The following FASN variants were observed in gnomAD, a reference collection of about 807,000 sequenced individuals.
The protein encoded by FASN is fatty acid synthase.
FASN carries 50 observed loss-of-function variants against 250.0 expected under a neutral mutation model. The observed-to-expected ratio is 0.20, with a 90% CI of 0.16 to 0.25. The LOEUF (loss-of-function observed/expected upper bound fraction) is 0.25. FASN is among the 10% of genes least tolerant of loss of function. FASN has a pLI of 1.00. For synonymous variants in FASN, 1,909 were observed against 1,584.0 expected (o/e 1.21, Z -4.87); for missense variants, 3,031 against 3,498.5 (o/e 0.87, Z 3.37).
intron 19 of FASN, 62 bp downstream of exon 19, chr17:82,087,623 T>G: frequency 1.2e-6 from 2 of 1,602,580 alleles, no homozygotes; most frequent in Non-Finnish European, 1.7e-6. Context: ...GTGCCCTCTG[T>G]GGTCCCCACA....
At chr17:82,096,296 C>T (rs369295724) in intron 2 of FASN, 23 bp downstream of exon 2, 169 of 1,610,718 alleles carry the variant, frequency 1.0e-4, no homozygotes, top group South Asian at 3.0e-4. Flanking sequence ...ACCCCAGGCA[C>T]GGGGAGCCCC....
Position 82,082,325 on chromosome 17 carries a change from G to T in FASN, c.6009C>A (p.Asp2003Glu). 1 of 1,612,518 alleles carries T rather than the reference G, an allele frequency of 6.2e-7. No homozygotes were observed. The highest frequency in any genetic ancestry group is 8.5e-7 in the Non-Finnish European group (1 of 1,179,958). ...GAGCAGGGCTGTGCGGTACCCACCTGTCCAGGTTCAGGGTGCCGCTGTACT... is the reference window on the plus strand; with the variant it reads ...GAGCAGGGCTGTGCGGTACCCACCTTTCCAGGTTCAGGGTGCCGCTGTACT... ...KPKYSGTLNL[D>E]RVTREACPEL... Residue 2003 changes from aspartate (D) to glutamate (E), a missense_variant and splice_region_variant, in exon 35 of 43, where the codon GAC (aspartate) becomes GAA (glutamate). Asp to Glu is a conservative substitution (Grantham distance 45). Transcript: ENST00000306749.
intron 3 of FASN, chr17:82,094,060 G>A: frequency 1.9e-6 from 1 of 521,402 alleles, no homozygotes; most frequent in Non-Finnish European, 3.5e-6. Flanking sequence ...AGGGCACCAG[G>A]CACGGCCAGA....
intron 34 of FASN, 55 bp from the exon 35 acceptor site, chr17:82,082,469 C>T (rs2034007395): frequency 5.6e-6 from 9 of 1,611,480 alleles, no homozygotes; most frequent in Non-Finnish European, 2.5e-6. Flanking sequence ...CCCGTCCACC[C>T]AGGGTCCCCC....
In FASN at chr17:82,080,120, CA is replaced by C. The variant is rs773826339; in HGVS notation, c.7146+19del. 2 of 1,608,474 alleles carry C rather than the reference CA, an allele frequency of 1.2e-6. No homozygotes were observed. Among genetic ancestry groups the C allele is most frequent in the South Asian group, 2.2e-5 (2 of 90,994 alleles). On this transcript the variant is annotated intron_variant, in intron 41 of 42. Transcript: ENST00000306749. ...CCCAGTACTCTGGGTCCTGCGGCCT[CA>C]GGGGTGTCCAGGACCCACCCTGTTG...
chr17:82,081,299 G>A lies in FASN; in HGVS notation c.6460C>T (p.Leu2154=). Residue 2154 remains leucine, a synonymous_variant, in exon 38 of 43, where the codon CTG becomes TTG. Coordinates refer to ENST00000306749, the MANE Select transcript of FASN (RefSeq NM_004104.5). ...ACCTCCACGCTCATGAGCGAGTCCA[G>A]GCCCAGGTCCGCCAGTGAGCTGTCC... ...NLDSSLADLG[L]DSLMSVEVRQ... 1 of 1,559,190 alleles carries A rather than the reference G, an allele frequency of 6.4e-7. No homozygotes were observed. Among genetic ancestry groups the A allele is most frequent in the Non-Finnish European group, 8.7e-7 (1 of 1,151,566 alleles).
In FASN at chr17:82,080,487, C is replaced by G. The variant is rs1323551400; in HGVS notation, c.6930G>C (p.Gly2310=). Residue 2310 remains glycine (G), a synonymous_variant, in exon 40 of 43, where the codon GGG becomes GGC. Coordinates refer to ENST00000306749, the MANE Select transcript of FASN (RefSeq NM_004104.5). ...AGCACATTTCAAAGGCCACGCAGGC[C>G]CCGTAGGAGTAGCCGGCCACGCGGT... ...GPYRVAGYSY[G]ACVAFEMCSQ... 3.8e-6 allele frequency: 6 copies of G among 1,570,908 alleles called. No individual in the cohort carries two copies. The African/African-American group carries it at 8.1e-5, about 21-fold the overall frequency.
At position 82,093,353 on chromosome 17, in the gene FASN, G is replaced by T; in HGVS notation, c.521C>A (p.Ala174Asp). ...GGCAGGGCACTGCCCGCTGTGGATG[G>T]CCTGGTAGGCGTTCTGCAGGGCCAT... ...SLMALQNAYQ[A>D]IHSGQCPAAI... The change falls in exon 5 of 43, where the codon GCC becomes GAC. Residue 174 changes from alanine (A) to aspartate (D), a missense_variant. Transcript: ENST00000306749. The T allele has an allele frequency of 6.2e-7, 1 of 1,603,406 alleles. No individual in the cohort carries two copies. The highest frequency in any genetic ancestry group is 1.7e-5 in the Admixed American group (1 of 58,536).
intron 19 of FASN, 83 bp from the exon 20 acceptor site, chr17:82,087,587 C>G (rs1157942032): frequency 3.1e-6 from 5 of 1,600,856 alleles, no homozygotes; most frequent in African/African-American, 1.3e-5. Flanking sequence ...CCTCTGCTCC[C>G]TCCCAAGCTG....
At chr17:82,097,832 C>G (rs2034330533) in intron 1 of FASN, among the ~76,000 whole-genome samples, 1 of 152,068 alleles carries the variant, frequency 6.6e-6, no homozygotes, top group Non-Finnish European at 1.5e-5. Context: ...GGGGGCTCCT[C>G]CAGGCCCTTC....
At chr17:82,095,275 A>C in intron 3 of FASN, 45 bp downstream of exon 3, 1 of 1,604,242 alleles carries the variant, frequency 6.2e-7, no homozygotes, top group Non-Finnish European at 8.5e-7. Context: ...ATTCCACGTG[A>C]GCAGCAGGAG....
At position 82,093,426 on chromosome 17, in the gene FASN, G is replaced by A. The variant is rs2034248630; in HGVS notation, c.455-7C>T. 1.3e-6 allele frequency: 2 copies of A among 1,598,010 alleles called. No homozygotes were observed. Among genetic ancestry groups the A allele is most frequent in the Non-Finnish European group, 1.7e-6 (2 of 1,174,894 alleles). On this transcript the variant is annotated splice_region_variant and splice_polypyrimidine_tract_variant and intron_variant, in intron 4 of 42. Transcript: ENST00000306749. ...TCCAGTGCGATGCTGGGCCCTGCAA[G>A]GAAGGGTGCTGCGGCTCAGGTGGGG... is the stretch of plus-strand genomic sequence containing the variant.
In FASN at chr17:82,087,154, T is replaced by C. The variant is rs779523230; in HGVS notation, c.3323A>G (p.Glu1108Gly). The part of the protein sequence containing the change: ...HTESAPRRQQ[E>G]QQVPILEKFC... ...CTTCTCCAGGATGGGCACCTGCTGC[T>C]CCTGCTGCCGCCGCGGGGCCGACTC... The change falls in exon 21 of 43, where the codon GAG becomes GGG. Residue 1108 changes from glutamate to glycine, a missense_variant. Transcript: ENST00000306749. The C allele has an allele frequency of 4.3e-6, 7 of 1,610,828 alleles. No individual in the cohort carries two copies. In the South Asian group the frequency reaches 6.6e-5, roughly 15 times the overall value.
chr17:82,080,281 G>A (rs879049159), intron 40 of FASN, 43 bp from the exon 41 acceptor site: 5 of 1,610,914 alleles, frequency 3.1e-6, no homozygotes, highest in Non-Finnish European at 4.2e-6. Flanking sequence ...AAGGGGCGGG[G>A]CCTCCTAAGC....
At position 82,081,258 on chromosome 17, in the gene FASN, C is replaced by T; in HGVS notation, c.6501G>A (p.Glu2167=). ...LMSVEVRQTL[E]RELNLVLSVR... is the part of the protein sequence containing the mutation. ...CGGACAGCACCAGGTTGAGCTCACGCTCCAGCGTCTGGCGCACCTCCACGC... is the reference window on the plus strand; with the variant it reads ...CGGACAGCACCAGGTTGAGCTCACGTTCCAGCGTCTGGCGCACCTCCACGC... Residue 2167 remains glutamate, a synonymous_variant, in exon 38 of 43, where the codon GAG becomes GAA. Coordinates refer to ENST00000306749, the MANE Select transcript of FASN (RefSeq NM_004104.5). 3 of 1,574,610 alleles carry T rather than the reference C, an allele frequency of 1.9e-6. No homozygotes were observed. The highest frequency in any genetic ancestry group is 1.2e-5 in the South Asian group (1 of 86,228).
rs143036177 is a variant in FASN, at chr17:82,095,330, G to A, written c.270C>T (p.Ile90=). The change falls in exon 3 of 43, where the codon ATC becomes ATT. Residue 90 remains isoleucine, a synonymous_variant. Coordinates refer to ENST00000306749, the MANE Select transcript of FASN (RefSeq NM_004104.5). ...GAATGCCCGACCCACCTCCGTCCACGATGGCTTCATAGGTGACTTCCAGCA... is the reference window on the plus strand; with the variant it reads ...GAATGCCCGACCCACCTCCGTCCACAATGGCTTCATAGGTGACTTCCAGCA... The part of the protein sequence containing the change: ...RLLLEVTYEA[I]VDGGINPDSL... 26 of 1,612,792 alleles carry A rather than the reference G, an allele frequency of 1.6e-5. No individual in the cohort carries two copies. Among genetic ancestry groups the A allele is most frequent in the African/African-American group, 1.3e-4 (10 of 74,952 alleles).
Position 82,091,690 on chromosome 17 carries a change from G to A in FASN, c.1030-6C>T. The stretch of plus-strand genomic sequence containing the variant: ...TGCTCCAGGGACAGCAGCACCTGCG[G>A]GGGTACGTGGTGGATGGGCAGCCGC... On this transcript the variant is annotated splice_region_variant and splice_polypyrimidine_tract_variant and intron_variant, in intron 8 of 42. Coordinates refer to ENST00000306749, the MANE Select transcript of FASN (RefSeq NM_004104.5). 1 of 1,566,530 alleles carries A rather than the reference G, an allele frequency of 6.4e-7. No individual in the cohort carries two copies. The highest frequency in any genetic ancestry group is 1.2e-5 in the South Asian group (1 of 85,470).
rs771438093 is a variant in FASN, at chr17:82,082,657, C to T, written c.5789G>A (p.Arg1930His). Residue 1930 changes from arginine (R) to histidine (H), a missense_variant, in exon 34 of 43, where the codon CGC (arginine) becomes CAC (histidine). Physicochemically the swap from Arg to His is conservative, Grantham distance 29. Coordinates refer to ENST00000306749, the MANE Select transcript of FASN (RefSeq NM_004104.5). ...CTGTACGCCCTGGCGCCTCCACCGGCGGACCTGCTTGGCCTGGTAGCCTGC... is the reference window on the plus strand; with the variant it reads ...CTGTACGCCCTGGCGCCTCCACCGGTGGACCTGCTTGGCCTGGTAGCCTGC... ...IRTGYQAKQVRRWRRQGVQVQ... is the reference protein window; with the variant it reads ...IRTGYQAKQVHRWRRQGVQVQ... The T allele has an allele frequency of 4.5e-5, 73 of 1,609,878 alleles. No individual in the cohort carries two copies. Among genetic ancestry groups the T allele is most frequent in the Admixed American group, 3.5e-4 (21 of 59,994 alleles).
In FASN at chr17:82,098,131, C is replaced by CGCGGGCGGCGGT. The variant is rs1356992048; in HGVS notation, c.-30_-19dup. The CGCGGGCGGCGGT allele has an allele frequency of 2.9e-6, 1 of 346,938 alleles. No individual in the cohort carries two copies. The highest frequency in any genetic ancestry group is 5.2e-6 in the Non-Finnish European group (1 of 192,420). The allele number at this position is 346,938 out of a possible 1,614,324, so 21.5% of individuals were successfully genotyped here. ...GCCGGCTGCTCGTACCTGGTGAGGGCGCGGGCGGCGGTGCGGGCGGCGGAG... is the reference window on the plus strand; with the variant it reads ...GCCGGCTGCTCGTACCTGGTGAGGGCGCGGGCGGCGGTGCGGGCGGCGGTGCGGGCGGCGGAG... On this transcript the variant is annotated 5_prime_UTR_variant, in exon 1 of 43. Transcript: ENST00000306749.
Sources: allele counts gnomAD v4.1 joint callset (sites outside exome capture counted in the v4.1 genomes callset), GRCh38; gene constraint gnomAD v4.1.1; transcripts MANE v1.5; gene names NCBI Gene and HGNC (gene_info 2026-07-23, HGNC 2026-07-21).